The following NF2 variants were observed in gnomAD, a reference collection of about 807,000 sequenced individuals.
NF2 encodes the protein merlin.
In NF2, 8 loss-of-function variants were observed where a neutral mutation model predicts 83.7. The observed-to-expected ratio is 0.10, with a 90% confidence interval of 0.06 to 0.17. The LOEUF (loss-of-function observed/expected upper bound fraction) is 0.17, where lower values mean the gene tolerates loss of function less well. Ranked by LOEUF, NF2 falls within the 10% of genes least tolerant of loss-of-function variation. The pLI, the probability that NF2 is intolerant of heterozygous loss-of-function variation, is 1.00. For missense variants in NF2, 533 were observed against 744.4 expected (o/e 0.72, Z 3.31); for synonymous variants, 266 against 269.6 (o/e 0.99, Z 0.13).
Position 29,636,616 on chromosome 22 carries a change from T to C in NF2, c.115-135T>C, listed in dbSNP as rs1350763446. ...GTTTGTAAAGGAAGCTTTAAAATTA[T>C]TTAGGAATTCAGTCCTCATCAGCTG... On this transcript the variant is annotated intron_variant, in intron 1 of 15. Coordinates refer to ENST00000338641, the MANE Select transcript of NF2 (RefSeq NM_000268.4). The surrounding 1 kb of genome is among the most constrained non-coding windows in gnomAD (Gnocchi z 4.4). The C allele has an allele frequency of 8.8e-7, 1 of 1,140,838 alleles. No individual in the cohort carries two copies. Among genetic ancestry groups the C allele is most frequent in the Non-Finnish European group, 1.3e-6 (1 of 763,194 alleles). 70.7% of individuals were successfully genotyped at this position (1,140,838 alleles called of 1,614,324 possible). A position where few individuals can be genotyped will look rare whatever the true frequency, so the allele number is the denominator to read the frequency against.
At chr22:29,679,273 T>C (rs182983059) in intron 14 of NF2, among the ~76,000 whole-genome samples, 62 of 152,234 alleles carry the variant, frequency 4.1e-4, no homozygotes, top group African/African-American at 1.4e-3. Flanking sequence ...GGAAAACCCT[T>C]TGGGGAAAGT....
chr22:29,671,118 C>G (rs1022453701), intron 10 of NF2, among the ~76,000 whole-genome samples: 5 of 152,142 alleles, frequency 3.3e-5, no homozygotes, highest in Non-Finnish European at 7.3e-5. Context: ...ATTTCTGGGG[C>G]TCTATCTGAG....
chr22:29,624,919 C>CTCTCTT (rs2065322195), intron 1 of NF2, among the ~76,000 whole-genome samples: 1 of 144,030 alleles, frequency 6.9e-6, no homozygotes, highest in Non-Finnish European at 1.5e-5. Context: ...CTCTCTCTCT[C>CTCTCTT]TCTTTCTTTC....
rs1325778286 is a variant in NF2 at position 29,697,465 on chromosome 22, G to A, written c.*2663G>A. 5.3e-6 allele frequency: 1 copy of A among 188,124 alleles called. No individual in the cohort carries two copies. Among genetic ancestry groups the A allele is most frequent in the Non-Finnish European group, 1.1e-5 (1 of 89,270 alleles). The allele number at this position is 188,124 out of a possible 1,614,324, so 11.7% of individuals were successfully genotyped here. A position where few individuals can be genotyped will look rare whatever the true frequency, so the allele number is the denominator to read the frequency against. On this transcript the variant is annotated 3_prime_UTR_variant, in exon 16 of 16. Transcript: ENST00000338641. The stretch of plus-strand genomic sequence containing the variant: ...CCACAGATGGAGAAGGTGGAGAGGA[G>A]GATGGGCCTCAGGAGCATCTCAAGC...
chr22:29,656,481 C>T (rs188958883), intron 6 of NF2, among the ~76,000 whole-genome samples: 25 of 142,004 alleles, frequency 1.8e-4, no homozygotes, highest in Admixed American at 3.0e-4. Context: ...GGCGCGATCT[C>T]GGCTCACTGC....
At chr22:29,634,044 A>G (rs1414164238) in intron 1 of NF2, among the ~76,000 whole-genome samples, 1 of 152,188 alleles carries the variant, frequency 6.6e-6, no homozygotes, top group Non-Finnish European at 1.5e-5. Context: ...GGAGTGCTGG[A>G]CAGCAAGAAC....
At chr22:29,662,309 G>C (rs1005809793) in intron 8 of NF2, among the ~76,000 whole-genome samples, 3 of 152,058 alleles carry the variant, frequency 2.0e-5, no homozygotes, top group African/African-American at 7.2e-5. Flanking sequence ...ATTTTTTGTA[G>C]AGATGGGGTT....
chr22:29,639,385 T>G (rs1476237258), intron 3 of NF2, among the ~76,000 whole-genome samples, 173 bp downstream of exon 3: 1 of 152,146 alleles, frequency 6.6e-6, no homozygotes, highest in African/African-American at 2.4e-5. Flanking sequence ...GAACTATACT[T>G]GAGTGATGAA....
chr22:29,658,369 A>G (rs1225248339), intron 7 of NF2, 105 bp downstream of exon 7: 22 of 1,000,866 alleles, frequency 2.2e-5, no homozygotes, highest in Non-Finnish European at 1.7e-5. Context: ...AGACTCTTTT[A>G]TGGTTCTGTG....
At chr22:29,653,925 T>A (rs2066226079) in intron 4 of NF2, among the ~76,000 whole-genome samples, 1 of 152,236 alleles carries the variant, frequency 6.6e-6, no homozygotes, top group South Asian at 2.1e-4. Context: ...TCAGTTAGTT[T>A]CTTTTTAAAC....
At chr22:29,688,819 A>G (rs759334597) in intron 15 of NF2, among the ~76,000 whole-genome samples, 1 of 152,192 alleles carries the variant, frequency 6.6e-6, no homozygotes, top group Non-Finnish European at 1.5e-5. Context: ...AAGTGTGTGG[A>G]TAGTGCTCCC....
intron 4 of NF2, among the ~76,000 whole-genome samples, chr22:29,644,761 A>G (rs1324356584): frequency 6.6e-6 from 1 of 152,216 alleles, no homozygotes; most frequent in Non-Finnish European, 1.5e-5. Flanking sequence ...TCCACCAAAA[A>G]AATACGAAAA....
chr22:29,621,732 A>C (rs2065221514), intron 1 of NF2, among the ~76,000 whole-genome samples: 1 of 152,172 alleles, frequency 6.6e-6, no homozygotes, highest in African/African-American at 2.4e-5. Context: ...GCCTGTCGTT[A>C]GCTTGCTCCC....
chr22:29,672,309 CTTT>C (rs779561094), intron 11 of NF2, among the ~76,000 whole-genome samples: 1 of 123,620 alleles, frequency 8.1e-6, no homozygotes, highest in Non-Finnish European at 1.7e-5. Context: ...CCACATGTCT[CTTT>C]TTTTTTTTTT....
At chr22:29,613,367 C>T (rs11705055) in intron 1 of NF2, among the ~76,000 whole-genome samples, 98 of 151,974 alleles carry the variant, frequency 6.4e-4, no homozygotes, top group South Asian at 2.7e-3. Context: ...TTGTCTCTAC[C>T]AAAAATACAA....
At chr22:29,622,869 C>T (rs1367475973) in intron 1 of NF2, among the ~76,000 whole-genome samples, 5 of 150,568 alleles carry the variant, frequency 3.3e-5, no homozygotes, top group Middle Eastern at 3.5e-3. Flanking sequence ...TTGGCCAGGA[C>T]GGTCTCGATC....
chr22:29,675,386 T>G (rs1366501997), intron 13 of NF2, among the ~76,000 whole-genome samples: 1 of 152,102 alleles, frequency 6.6e-6, no homozygotes, highest in Non-Finnish European at 1.5e-5. Flanking sequence ...CCACTCTCAG[T>G]TTGGGGACAG....
At chr22:29,647,433 C>T (rs1569288727) in intron 4 of NF2, among the ~76,000 whole-genome samples, 1 of 152,058 alleles carries the variant, frequency 6.6e-6, no homozygotes, top group Non-Finnish European at 1.5e-5. Context: ...ATCCTGTAGG[C>T]GATGCAGTGA....
At chr22:29,606,451 T>G (rs9614004) in intron 1 of NF2, among the ~76,000 whole-genome samples, 36,124 of 152,180 alleles carry the variant, frequency 0.24, 4,431 homozygotes, top group Non-Finnish European at 0.29. Flanking sequence ...TCAGAGAGAA[T>G]CTTTCCAGGG....
Sources: gnomAD v4.1 joint callset for allele counts (sites outside exome capture counted in the v4.1 genomes callset) on GRCh38, gnomAD v4.1.1 for gene constraint, Gnocchi (gnomAD v3.1) non-coding constraint, MANE v1.5 for transcripts, NCBI Gene and HGNC (gene_info 2026-07-23, HGNC 2026-07-21) for gene names.